The following TGM5 variants were observed in gnomAD, a reference collection of about 807,000 sequenced individuals.
TGM5 encodes the protein transglutaminase 5, also known as protein-glutamine gamma-glutamyltransferase 5.
Under a neutral mutation model 77.2 loss-of-function variants are expected in TGM5, and 69 were observed. The observed-to-expected ratio is 0.89, with a 90% CI of 0.74 to 1.09. TGM5 has a LOEUF of 1.09. Ranked by LOEUF, TGM5 falls within the 50% of genes least tolerant of loss-of-function variation. The pLI, the probability that TGM5 is intolerant of heterozygous loss-of-function variation, is 0.00. For synonymous variants in TGM5, 346 were observed against 351.8 expected (o/e 0.98, Z 0.18); for missense variants, 842 against 896.5 (o/e 0.94, Z 0.78).
At chr15:43,262,070 T>G (rs566143127) in intron 1 of TGM5, among the ~76,000 whole-genome samples, 112 of 152,306 alleles carry the variant, frequency 7.4e-4, no homozygotes, top group Non-Finnish European at 1.3e-3. Flanking sequence ...AATCCCTGTT[T>G]TTGTATTTGC....
At chr15:43,249,400 C>T (rs1293948532) in intron 6 of TGM5, among the ~76,000 whole-genome samples, 1 of 152,200 alleles carries the variant, frequency 6.6e-6, no homozygotes. Context: ...AAAAGGAAAC[C>T]TCATTACATT....
At chr15:43,261,784 G>T (rs501884) in intron 1 of TGM5, among the ~76,000 whole-genome samples, 72,458 of 151,984 alleles carry the variant, frequency 0.48, 22,062 homozygotes, top group African/African-American at 0.87. Flanking sequence ...TTCTCATACC[G>T]AGTCACCATA....
At position 43,240,832 on chromosome 15, in the gene TGM5, G is replaced by A; in HGVS notation, c.1001+20C>T. On this transcript the variant is annotated intron_variant, in intron 7 of 12. Transcript: ENST00000220420. ...CTCTGATGTGTGGCCCTAGAAATAG[G>A]TTGAGAGGTTGTTTCTCACCAGATA... 1 of 1,613,992 alleles carries A rather than the reference G, an allele frequency of 6.2e-7. No homozygotes were observed. The highest frequency in any genetic ancestry group is 8.5e-7 in the Non-Finnish European group (1 of 1,179,968).
intron 6 of TGM5, among the ~76,000 whole-genome samples, chr15:43,251,103 C>T (rs1255077521): frequency 1.3e-5 from 2 of 152,278 alleles, no homozygotes; most frequent in East Asian, 3.9e-4. Context: ...TAGTCTCTAC[C>T]TGTCAGTCTT....
intron 1 of TGM5, among the ~76,000 whole-genome samples, chr15:43,263,753 G>A (rs369548975): frequency 6.6e-6 from 1 of 152,164 alleles, no homozygotes; most frequent in Non-Finnish European, 1.5e-5. Flanking sequence ...CTTAGACTAG[G>A]CAACAGCTTC....
intron 4 of TGM5, among the ~76,000 whole-genome samples, chr15:43,255,758 T>G (rs894511941): frequency 4.6e-5 from 7 of 152,222 alleles, no homozygotes; most frequent in African/African-American, 1.4e-4. Flanking sequence ...CCCTCTTCCT[T>G]GCCTGGCACT....
chr15:43,266,536 T>C (rs567327414), intron 1 of TGM5, among the ~76,000 whole-genome samples: 1 of 152,322 alleles, frequency 6.6e-6, no homozygotes. Context: ...AAGGGTCAGC[T>C]AGTAGCAGAG....
At chr15:43,256,756 A>C in intron 3 of TGM5, 70 bp from the exon 4 acceptor site, 2 of 1,140,920 alleles carry the variant, frequency 1.8e-6, no homozygotes, top group Non-Finnish European at 2.6e-6. Context: ...TCTCATCCCC[A>C]CAGTCCCAGA....
In TGM5 at chr15:43,259,651, G is replaced by A. The variant is rs2042770132; in HGVS notation, c.436+401C>T. ...TTGAATGGAACTTAGAGATTGGGAG[G>A]CTTTACTTTTTACTTTACACTTTTC... is the stretch of plus-strand genomic sequence containing the variant. On this transcript the variant is annotated intron_variant, in intron 3 of 12. Transcript: ENST00000220420. Among the ~76,000 whole-genome samples the A allele has an allele frequency of 2.6e-5, 4 of 152,078 alleles. No individual in the cohort carries two copies. The South Asian group carries it at 8.3e-4, about 31-fold the overall frequency.
chr15:43,239,502 G>A, intron 7 of TGM5: 3 of 549,986 alleles, frequency 5.5e-6, no homozygotes, highest in Non-Finnish European at 6.5e-6. Flanking sequence ...GGCAAAAAAG[G>A]AAGATCTCGT....
chr15:43,233,556 G>C lies in TGM5; in HGVS notation c.2007C>G (p.Val669=), dbSNP rs761752134. The C allele has an allele frequency of 1.9e-6, 3 of 1,614,210 alleles. No homozygotes were observed. The East Asian group carries it at 6.7e-5, about 36-fold the overall frequency. The stretch of plus-strand genomic sequence containing the variant: ...GGCTGAGCACTTGCAGCACTTACAA[G>C]ACTTTCTGCTGTTTCTTGAAGAGGC... The part of the protein sequence containing the change: ...GSGLFKKQQK[V]FLGVLKPQHQ... Residue 669 remains valine, a splice_region_variant and synonymous_variant, in exon 12 of 13, where the codon GTC becomes GTG. Transcript: ENST00000220420.
intron 8 of TGM5, 52 bp from the exon 9 acceptor site, chr15:43,239,108 G>A (rs2042614300): frequency 2.5e-6 from 4 of 1,614,178 alleles, no homozygotes; most frequent in South Asian, 1.1e-5. Context: ...GGGCTGGGCA[G>A]GGGTGGGGTG....
Position 43,260,524 on chromosome 15 carries a change from G to T in TGM5, c.66C>A (p.His22Gln), listed in dbSNP as rs765778955. ...GGTGGTCCACAGTGATCTCCTCCGT[G>T]TGGTGCCGCACATTATTTCTGGAGC... is the stretch of plus-strand genomic sequence containing the variant. Reference protein sequence around the residue: ...LQSSRNNVRHHTEEITVDHLL... With the variant: ...LQSSRNNVRHQTEEITVDHLL... The change falls in exon 2 of 13, where the codon CAC becomes CAA. Residue 22 changes from histidine to glutamine, a missense_variant. By Grantham distance (24) the His-to-Gln change is conservative. Coordinates refer to ENST00000220420, the MANE Select transcript of TGM5 (RefSeq NM_201631.4). 3.7e-6 allele frequency: 6 copies of T among 1,614,206 alleles called. No homozygotes were observed. Among genetic ancestry groups the T allele is most frequent in the Non-Finnish European group, 3.4e-6 (4 of 1,180,032 alleles).
chr15:43,238,040 G>A (rs752285440), intron 9 of TGM5, among the ~76,000 whole-genome samples: 4 of 152,152 alleles, frequency 2.6e-5, no homozygotes, highest in Non-Finnish European at 5.9e-5. Flanking sequence ...CCCTTCCCAG[G>A]TGGGGAATTC....
At chr15:43,253,700 T>G in intron 4 of TGM5, 66 bp from the exon 5 acceptor site, 1 of 1,594,328 alleles carries the variant, frequency 6.3e-7, no homozygotes, top group South Asian at 1.1e-5. Context: ...TAAAAAGTAA[T>G]GACTTCCCCC....
At position 43,233,115 on chromosome 15, in the gene TGM5, A is replaced by G. The variant is rs2042558251; in HGVS notation, c.*76T>C. ...TGTGAAGCCTCTGTTGTGGTGGGGA[A>G]TGGCGCAGCTTGCATTTGAACTTGC... is the stretch of plus-strand genomic sequence containing the variant. On this transcript the variant is annotated 3_prime_UTR_variant, in exon 13 of 13. Coordinates refer to ENST00000220420, the MANE Select transcript of TGM5 (RefSeq NM_201631.4). The G allele has an allele frequency of 3.2e-6, 5 of 1,570,416 alleles. No individual in the cohort carries two copies. Among genetic ancestry groups the G allele is most frequent in the Admixed American group, 3.5e-5 (2 of 57,616 alleles).
intron 6 of TGM5, among the ~76,000 whole-genome samples, chr15:43,242,028 A>G (rs965557058): frequency 6.6e-6 from 1 of 152,176 alleles, no homozygotes; most frequent in Non-Finnish European, 1.5e-5. Context: ...AGTCCACTCA[A>G]TCTAATAATG....
chr15:43,253,489 C>A lies in TGM5; in HGVS notation c.684+17G>T, dbSNP rs776054370. On this transcript the variant is annotated intron_variant, in intron 5 of 12. Coordinates refer to ENST00000220420, the MANE Select transcript of TGM5 (RefSeq NM_201631.4). ...CTGCACAGCTTCCTCCCTCCCCGGG[C>A]ACGCCAGGGACCTCACCATGGCACA... 8 of 1,609,504 alleles carry A rather than the reference C, an allele frequency of 5.0e-6. No homozygotes were observed. In the Admixed American group the frequency reaches 1.3e-4, roughly 27 times the overall value.
At chr15:43,266,173 A>C (rs2042823421) in intron 1 of TGM5, among the ~76,000 whole-genome samples, 1 of 152,272 alleles carries the variant, frequency 6.6e-6, no homozygotes, top group South Asian at 2.1e-4. Context: ...TGTGCAATTA[A>C]AAGTTATGAA....
Sources: gnomAD v4.1 joint callset for allele counts (sites outside exome capture counted in the v4.1 genomes callset) on GRCh38, gnomAD v4.1.1 for gene constraint, MANE v1.5 for transcripts, NCBI Gene and HGNC (gene_info 2026-07-23, HGNC 2026-07-21) for gene names.